The following SRPX variants were observed in gnomAD, a reference collection of about 807,000 sequenced individuals.
SRPX encodes the protein sushi repeat containing protein X-linked, also known as sushi repeat-containing protein SRPX.
SRPX carries 24 observed loss-of-function variants against 38.1 expected under a neutral mutation model. That is an observed-to-expected ratio of 0.63 (90% CI 0.46 to 0.89). The LOEUF is 0.89. Among genes scored for constraint, SRPX ranks in the 40% least tolerant of loss-of-function variants. The pLI, the probability that SRPX is intolerant of heterozygous loss-of-function variation, is 0.00. For missense variants in SRPX, 416 were observed against 377.8 expected (o/e 1.10, Z -0.84); for synonymous variants, 184 against 153.8 (o/e 1.20, Z -1.45).
At chrX:38,174,476 T>C in intron 2 of SRPX, 125 bp from the exon 3 acceptor site, 1 of 467,534 alleles carries the variant, frequency 2.1e-6, no homozygotes, top group Non-Finnish European at 3.1e-6. Context: ...TAGTGCCCCA[T>C]GTTTTCTTAG....
intron 8 of SRPX, among the ~76,000 whole-genome samples, chrX:38,156,261 T>C (rs1157127747): frequency 2.7e-5 from 3 of 111,793 alleles, no homozygotes; most frequent in African/African-American, 9.8e-5. Flanking sequence ...ACACCCAAGA[T>C]GTTGGTTGCC....
intron 1 of SRPX, among the ~76,000 whole-genome samples, chrX:38,183,823 G>A (rs1056091565): frequency 2.7e-5 from 3 of 111,856 alleles, no homozygotes; most frequent in South Asian, 3.8e-4. Flanking sequence ...CAAATTGTAC[G>A]TTGGCTCAGA....
rs375573361 is a variant in SRPX, at chrX:38,163,810, T to C, written c.653+959A>G. On this transcript the variant is annotated intron_variant, in intron 5 of 9. Coordinates refer to ENST00000378533, the MANE Select transcript of SRPX (RefSeq NM_006307.5). ...ATGATCGGGAGTTTTAAAAATAAAT[T>C]AAAAAGCTTTGAAAGAGATAAATAC... is the stretch of plus-strand genomic sequence containing the variant. Among the ~76,000 whole-genome samples, 6 of 111,767 alleles carry C rather than the reference T, an allele frequency of 5.4e-5. No homozygotes were observed. In the East Asian group the frequency reaches 1.4e-3, roughly 26 times the overall value.
intron 1 of SRPX, among the ~76,000 whole-genome samples, chrX:38,195,370 G>C (rs1168071962): frequency 1.0e-5 from 1 of 95,393 alleles, no homozygotes; most frequent in African/African-American, 3.6e-5. Flanking sequence ...CTGGTAAGTA[G>C]AGGTGTTTGT....
chrX:38,196,746 C>CAT (rs1939005841), intron 1 of SRPX, among the ~76,000 whole-genome samples: 1 of 112,189 alleles, frequency 8.9e-6, no homozygotes, highest in South Asian at 3.7e-4. Context: ...GGGAAAAGCC[C>CAT]ATAAAGATAT....
chrX:38,187,373 A>T (rs189107264), intron 1 of SRPX, among the ~76,000 whole-genome samples: 60 of 112,140 alleles, frequency 5.4e-4, no homozygotes, highest in Non-Finnish European at 9.8e-4. Flanking sequence ...TTTCATAAAC[A>T]TATGTATATG....
At chrX:38,157,493 CTCTCCT>C (rs1308684288) in intron 7 of SRPX, among the ~76,000 whole-genome samples, 19 of 111,607 alleles carry the variant, frequency 1.7e-4, no homozygotes, top group Middle Eastern at 9.2e-3. Context: ...TCTCTCTGAC[CTCTCCT>C]TCCATCGTCT....
At chrX:38,187,688 G>A (rs1036033610) in intron 1 of SRPX, among the ~76,000 whole-genome samples, 5 of 112,118 alleles carry the variant, frequency 4.5e-5, no homozygotes, top group African/African-American at 1.6e-4. Context: ...GTTAACACAG[G>A]TGAGTGTACA....
chrX:38,200,237 A>T (rs1439118567), intron 1 of SRPX, among the ~76,000 whole-genome samples: 1 of 112,213 alleles, frequency 8.9e-6, no homozygotes, highest in Non-Finnish European at 1.9e-5. Flanking sequence ...TTTATAGATG[A>T]CTGGGTATCA....
Position 38,164,792 on chromosome X carries a change from G to A in SRPX, c.630C>T (p.Asp210=). ...RVSWETPEGR[D]TADGILTDVI... is the part of the protein sequence containing the mutation. ...ACTCAGTAAGAATTCCATCTGCTGT[G>A]TCTCTTCCTTCGGGTGTCTCCCAGG... Residue 210 remains aspartate (D), a synonymous_variant, in exon 5 of 10, where the codon GAC becomes GAT. Coordinates refer to ENST00000378533, the MANE Select transcript of SRPX (RefSeq NM_006307.5). 8.3e-7 allele frequency: 1 copy of A among 1,210,633 alleles called. No individual in the cohort carries two copies. The highest frequency in any genetic ancestry group is 1.1e-6 in the Non-Finnish European group (1 of 894,919).
chrX:38,158,474 A>G (rs1441982817), intron 7 of SRPX, among the ~76,000 whole-genome samples: 1 of 111,294 alleles, frequency 9.0e-6, no homozygotes, highest in Non-Finnish European at 1.9e-5. Flanking sequence ...TCATTCACAC[A>G]TTCATTCATT....
intron 2 of SRPX, among the ~76,000 whole-genome samples, chrX:38,175,998 C>A (rs764002991): frequency 1.8e-5 from 2 of 111,449 alleles, no homozygotes; most frequent in African/African-American, 6.5e-5. Flanking sequence ...TAGTACCTAA[C>A]GCTATATATA....
At position 38,166,401 on chromosome X, in the gene SRPX, A is replaced by G. The variant is rs1427324312; in HGVS notation, c.527-1506T>C. ...ACCAATCCTAAATTGAATAACCACC[A>G]TATTTTGTTGAATCTAAGTCACTCC... On this transcript the variant is annotated intron_variant, in intron 4 of 9. Transcript: ENST00000378533. 2.7e-5 allele frequency among the ~76,000 whole-genome samples: 3 copies of G among 112,011 alleles called. No individual in the cohort carries two copies. In the Admixed American group the frequency reaches 2.8e-4, roughly 11 times the overall value.
intron 1 of SRPX, among the ~76,000 whole-genome samples, chrX:38,211,987 G>T (rs1436478507): frequency 1.8e-5 from 2 of 112,070 alleles, no homozygotes; most frequent in Non-Finnish European, 3.8e-5. Flanking sequence ...GTGTCTTTAA[G>T]AGCTGATCAG....
intron 1 of SRPX, among the ~76,000 whole-genome samples, chrX:38,217,748 G>C (rs1433862523): frequency 8.9e-6 from 1 of 112,138 alleles, no homozygotes; most frequent in Non-Finnish European, 1.9e-5. Flanking sequence ...GAGAAAAGCA[G>C]CACTTTGGTT....
At chrX:38,159,011 A>G (rs1027820365) in intron 7 of SRPX, among the ~76,000 whole-genome samples, 4 of 111,699 alleles carry the variant, frequency 3.6e-5, no homozygotes, top group African/African-American at 1.3e-4. Context: ...AATAAAAAAT[A>G]TAAAGAGATA....
intron 8 of SRPX, among the ~76,000 whole-genome samples, chrX:38,155,512 A>G (rs192948612): frequency 8.9e-6 from 1 of 112,355 alleles, no homozygotes; most frequent in African/African-American, 3.2e-5. Context: ...AGGGCCAGAG[A>G]GTACTTCAGG....
intron 1 of SRPX, among the ~76,000 whole-genome samples, chrX:38,189,956 G>A (rs1158505463): frequency 4.5e-5 from 5 of 112,036 alleles, no homozygotes; most frequent in Non-Finnish European, 9.4e-5. Flanking sequence ...ATCAGAATGA[G>A]ACATCCATCT....
rs560529142 is a variant in SRPX, at chrX:38,212,036, G to A, written c.97+8660C>T. Reference sequence around the variant, plus strand: ...CAGCCCCAGGAGTCTTGCCGGAGTGGCAGGAGCGGCCCTGATCACACTAGC... The same window carrying A: ...CAGCCCCAGGAGTCTTGCCGGAGTGACAGGAGCGGCCCTGATCACACTAGC... On this transcript the variant is annotated intron_variant, in intron 1 of 9. Transcript: ENST00000378533. 6.6e-4 allele frequency among the ~76,000 whole-genome samples: 74 copies of A among 112,094 alleles called. 1 individual carries two copies. The South Asian group carries it at 6.8e-3, about 10-fold the overall frequency.
Sources: gnomAD v4.1 joint callset for allele counts (sites outside exome capture counted in the v4.1 genomes callset) on GRCh38, gnomAD v4.1.1 for gene constraint, MANE v1.5 for transcripts, NCBI Gene and HGNC (gene_info 2026-07-23, HGNC 2026-07-21) for gene names.